DHRSX: variants seen among roughly 807,000 people sequenced by gnomAD.
DHRSX encodes dehydrogenase/reductase X-linked.
In DHRSX, 31 loss-of-function variants were observed where a neutral mutation model predicts 34.0. The ratio of observed to expected loss-of-function variants is 0.91; its 90% CI spans 0.69 to 1.23. The LOEUF is 1.23. DHRSX is among the 50% of genes most tolerant of loss of function. The probability of loss-of-function intolerance (pLI) is 0.00; values close to 1 mark genes in which losing one functional copy is unlikely to be tolerated. For missense variants in DHRSX, 414 were observed against 428.1 expected (o/e 0.97, Z 0.29); for synonymous variants, 201 against 183.8 (o/e 1.09, Z -0.76).
At chrX:2,330,444 C>T (rs1221700765) in intron 3 of DHRSX, among the ~76,000 whole-genome samples, 7 of 149,604 alleles carry the variant, frequency 4.7e-5, no homozygotes, top group Non-Finnish European at 4.4e-5. Context: ...TCGCTTGAAC[C>T]GGGGAGGCAG....
chrX:2,389,053 C>A lies in DHRSX; in HGVS notation c.286+19692G>T. Among the ~76,000 whole-genome samples the A allele has an allele frequency of 1.3e-5, 2 of 152,230 alleles. 1 individual carries two copies. Among genetic ancestry groups the A allele is most frequent in the Non-Finnish European group, 2.9e-5 (2 of 68,044 alleles). Reference sequence around the variant, plus strand: ...GAATAAGTATCTTTTGTTTAAACCACCTGGTCTGTGGATCTCTGTAACACT... The same window carrying A: ...GAATAAGTATCTTTTGTTTAAACCAACTGGTCTGTGGATCTCTGTAACACT... On this transcript the variant is annotated intron_variant, in intron 3 of 6. Coordinates refer to ENST00000334651, the MANE Select transcript of DHRSX (RefSeq NM_145177.3).
At chrX:2,264,522 C>A (rs2041413905) in intron 5 of DHRSX, among the ~76,000 whole-genome samples, 2 of 150,916 alleles carry the variant, frequency 1.3e-5, no homozygotes, top group Admixed American at 1.3e-4. Flanking sequence ...GAGCACTGTG[C>A]CCAGAGCACC....
At chrX:2,452,921 C>CAT (rs2044245318) in intron 1 of DHRSX, among the ~76,000 whole-genome samples, 1 of 152,224 alleles carries the variant, frequency 6.6e-6, no homozygotes, top group Non-Finnish European at 1.5e-5. Context: ...GGGATACCTG[C>CAT]CCCACTGTGC....
intron 3 of DHRSX, among the ~76,000 whole-genome samples, chrX:2,357,701 A>T (rs893809019): frequency 3.1e-4 from 19 of 61,858 alleles, no homozygotes; most frequent in African/African-American, 1.1e-3. Flanking sequence ...TCAGGAAATT[A>T]AAAAAAAAAA....
chrX:2,255,330 C>G lies in DHRSX; in HGVS notation c.596+11410G>C, dbSNP rs1170297204. ...GACACATAGTGAGTGTGTCAGCTGT[C>G]CGACATATCTCAGAACACAGGGGGA... On this transcript the variant is annotated intron_variant, in intron 5 of 6. Coordinates refer to ENST00000334651, the MANE Select transcript of DHRSX (RefSeq NM_145177.3). Among the ~76,000 whole-genome samples, 5 of 152,058 alleles carry G rather than the reference C, an allele frequency of 3.3e-5. No individual in the cohort carries two copies. In the East Asian group the frequency reaches 7.7e-4, roughly 23 times the overall value.
chrX:2,422,034 C>T lies in DHRSX; in HGVS notation c.217+3163G>A, dbSNP rs1705311554. Among the ~76,000 whole-genome samples, 4 of 152,156 alleles carry T rather than the reference C, an allele frequency of 2.6e-5. No individual in the cohort carries two copies. The South Asian group carries it at 8.3e-4, about 31-fold the overall frequency. On this transcript the variant is annotated intron_variant, in intron 2 of 6. Transcript: ENST00000334651. The stretch of plus-strand genomic sequence containing the variant: ...CCCTGGTCACCAGATCAGACTCATG[C>T]TCTTATGCTTGAGCCTTTTGGGCTA...
Position 2,266,901 on chromosome X carries a change from T to C in DHRSX, c.435A>G (p.Glu145=). The change falls in exon 5 of 7, where the codon GAA becomes GAG. Residue 145 remains glutamate (E), a synonymous_variant. Coordinates refer to ENST00000334651, the MANE Select transcript of DHRSX (RefSeq NM_145177.3). ...CTAGGTAGTTCAGGCCGAAATGTTC[T>C]TCGAATCCATCTCTGGTTTTCCTCT... ...VPQRKTRDGF[E]EHFGLNYLGH... is the part of the protein sequence containing the mutation. 3 of 1,613,982 alleles carry C rather than the reference T, an allele frequency of 1.9e-6. No individual in the cohort carries two copies. Among genetic ancestry groups the C allele is most frequent in the Non-Finnish European group, 2.5e-6 (3 of 1,179,858 alleles).
At chrX:2,276,573 A>G (rs2041654574) in intron 4 of DHRSX, among the ~76,000 whole-genome samples, 2 of 152,092 alleles carry the variant, frequency 1.3e-5, no homozygotes, top group Admixed American at 1.3e-4. Flanking sequence ...ACCTAATGGC[A>G]TTTTACTGGG....
chrX:2,372,653 G>C (rs1439780925), intron 3 of DHRSX, among the ~76,000 whole-genome samples: 2 of 151,234 alleles, frequency 1.3e-5, no homozygotes, highest in South Asian at 4.2e-4. Flanking sequence ...TTGTTGCCCA[G>C]GCTGGAGTGC....
chrX:2,430,258 C>CAA (rs5901189), intron 1 of DHRSX, among the ~76,000 whole-genome samples: 1,384 of 123,168 alleles, frequency 0.011, 16 homozygotes, highest in African/African-American at 0.034. Flanking sequence ...GACCCCAGCT[C>CAA]AAAAAAAAAA....
chrX:2,276,813 CAAAG>C (rs1269370088), intron 4 of DHRSX, among the ~76,000 whole-genome samples: 1 of 102,090 alleles, frequency 9.8e-6, no homozygotes, highest in Non-Finnish European at 2.0e-5. Flanking sequence ...GAAAGAGAGA[CAAAG>C]AGAGATGGAG....
chrX:2,401,260 G>A (rs1291029190), intron 3 of DHRSX, among the ~76,000 whole-genome samples: 5 of 152,064 alleles, frequency 3.3e-5, no homozygotes, highest in Non-Finnish European at 4.4e-5. Context: ...ACAGGCACCC[G>A]CCACCATACC....
At chrX:2,255,446 G>A (rs1203634212) in intron 5 of DHRSX, among the ~76,000 whole-genome samples, 3 of 152,092 alleles carry the variant, frequency 2.0e-5, no homozygotes, top group East Asian at 1.9e-4. Flanking sequence ...ATGATTTCAC[G>A]GGATGTGAAT....
intron 3 of DHRSX, among the ~76,000 whole-genome samples, chrX:2,329,588 A>G (rs905898318): frequency 6.6e-6 from 1 of 152,156 alleles, no homozygotes; most frequent in Non-Finnish European, 1.5e-5. Context: ...TTTCCTGAAG[A>G]CTAGTCTCAG....
chrX:2,301,006 T>A (rs1391794188), intron 3 of DHRSX, among the ~76,000 whole-genome samples: 1 of 152,172 alleles, frequency 6.6e-6, no homozygotes, highest in Non-Finnish European at 1.5e-5. Flanking sequence ...TCATAGCAGG[T>A]GACAAAAATG....
At chrX:2,427,936 T>C (rs1390145556) in intron 1 of DHRSX, among the ~76,000 whole-genome samples, 2 of 152,192 alleles carry the variant, frequency 1.3e-5, no homozygotes, top group Non-Finnish European at 2.9e-5. Context: ...TGAAAAGGAA[T>C]GATGTTGTGT....
chrX:2,345,240 T>C (rs2042689939), intron 3 of DHRSX, among the ~76,000 whole-genome samples: 1 of 152,062 alleles, frequency 6.6e-6, no homozygotes, highest in African/African-American at 2.4e-5. Flanking sequence ...AATGTTCTTC[T>C]GGGTGTTTCT....
intron 6 of DHRSX, among the ~76,000 whole-genome samples, chrX:2,222,739 A>C (rs2015549814): frequency 6.6e-6 from 1 of 152,144 alleles, no homozygotes; most frequent in African/African-American, 2.4e-5. Flanking sequence ...ACACCCTCCA[A>C]AAAGGAAAAG....
intron 3 of DHRSX, among the ~76,000 whole-genome samples, chrX:2,305,947 A>G (rs1378317424): frequency 6.6e-6 from 1 of 151,852 alleles, no homozygotes. Context: ...TATATAACAA[A>G]CCTGCATGTT....
Sources: allele counts gnomAD v4.1 joint callset (sites outside exome capture counted in the v4.1 genomes callset), GRCh38; gene constraint gnomAD v4.1.1; transcripts MANE v1.5; gene names NCBI Gene and HGNC (gene_info 2026-07-23, HGNC 2026-07-21).